MTCL1: variants seen among roughly 807,000 people sequenced by gnomAD.
MTCL1 encodes the protein microtubule crosslinking factor 1.
In MTCL1, 79 loss-of-function variants were observed where a neutral mutation model predicts 141.4. The observed-to-expected ratio is 0.56, with a 90% CI of 0.47 to 0.67. MTCL1 has a LOEUF of 0.67. Among genes scored for constraint, MTCL1 ranks in the 30% least tolerant of loss-of-function variants. MTCL1 has a pLI of 0.00. For missense variants in MTCL1, 2,177 were observed against 2,113.9 expected (o/e 1.03, Z -0.59); for synonymous variants, 914 against 875.8 (o/e 1.04, Z -0.77).
rs1378681034 is a variant in MTCL1 at position 8,731,041 on chromosome 18, C to A, written c.357+10545C>A. Among the ~76,000 whole-genome samples, 12 of 152,136 alleles carry A rather than the reference C, an allele frequency of 7.9e-5. 1 individual carries two copies. The highest frequency in any genetic ancestry group is 2.6e-4 in the Admixed American group (4 of 15,266). On this transcript the variant is annotated intron_variant, in intron 4 of 16. Transcript: ENST00000359865. Reference sequence around the variant, plus strand: ...TGGGCGGATCACGAGGTCAGGAGATCAAGACCATCCTGGCTAACACGGTGA... The same window carrying A: ...TGGGCGGATCACGAGGTCAGGAGATAAAGACCATCCTGGCTAACACGGTGA...
chr18:8,728,753 C>T (rs182627535), intron 4 of MTCL1, among the ~76,000 whole-genome samples: 3,606 of 49,920 alleles, frequency 0.072, 202 homozygotes, highest in African/African-American at 0.24. Context: ...TTTTTTGAGA[C>T]GGAGTCTCGC....
chr18:8,745,984 CAGT>C (rs1567970675), intron 4 of MTCL1, among the ~76,000 whole-genome samples: 1 of 152,204 alleles, frequency 6.6e-6, no homozygotes, highest in Admixed American at 6.5e-5. Context: ...TGGAATCATA[CAGT>C]ATTTGTCTTT....
At chr18:8,724,645 G>T (rs1175936783) in intron 4 of MTCL1, among the ~76,000 whole-genome samples, 1 of 152,078 alleles carries the variant, frequency 6.6e-6, no homozygotes, top group Non-Finnish European at 1.5e-5. Flanking sequence ...TCTTTTGCAT[G>T]ACACAGCAGC....
At chr18:8,759,344 A>G (rs548764061) in intron 4 of MTCL1, among the ~76,000 whole-genome samples, 89 of 152,334 alleles carry the variant, frequency 5.8e-4, no homozygotes, top group African/African-American at 2.0e-3. Flanking sequence ...CTTGGTCACT[A>G]GCTGGTATCT....
intron 8 of MTCL1, among the ~76,000 whole-genome samples, chr18:8,794,113 CTTA>C (rs1164089825): frequency 6.6e-6 from 1 of 152,188 alleles, no homozygotes; most frequent in East Asian, 1.9e-4. Context: ...AGTTGCACAT[CTTA>C]TTATCAGAGG....
At chr18:8,730,530 A>T (rs1305365750) in intron 4 of MTCL1, among the ~76,000 whole-genome samples, 1 of 152,230 alleles carries the variant, frequency 6.6e-6, no homozygotes, top group Non-Finnish European at 1.5e-5. Context: ...ACTGTGAGTC[A>T]TGAAATTGGC....
chr18:8,829,843 C>T, intron 16 of MTCL1: 2 of 985,294 alleles, frequency 2.0e-6, no homozygotes, highest in Non-Finnish European at 2.4e-6. Context: ...TTTGCTTGTA[C>T]ATGCCGGTGT....
chr18:8,766,485 G>A (rs1023951619), intron 4 of MTCL1, among the ~76,000 whole-genome samples: 8 of 152,212 alleles, frequency 5.3e-5, no homozygotes, highest in Non-Finnish European at 1.2e-4. Context: ...CTGTTGAAAG[G>A]CTGCAGTGAA....
At chr18:8,745,879 C>A (rs372420058) in intron 4 of MTCL1, among the ~76,000 whole-genome samples, 2 of 152,180 alleles carry the variant, frequency 1.3e-5, no homozygotes, top group African/African-American at 4.8e-5. Context: ...ACCCATTAAA[C>A]AACAAGTCTC....
Position 8,705,685 on chromosome 18 carries a change from G to A in MTCL1, c.25G>A (p.Gly9Ser). Residue 9 changes from glycine to serine, a missense_variant, in exon 1 of 14, where the codon GGC (glycine) becomes AGC (serine). Transcript: ENST00000306329. This position sits in a 1 kb window ranked among gnomAD's most constrained non-coding sequence, Gnocchi z 5.2. The stretch of plus-strand genomic sequence containing the variant: ...CATGGAGACACTGAACGGCCCCGCG[G>A]GCGGAGGTGCCCCGGACGCGAAGCT... 1 of 1,200,750 alleles carries A rather than the reference G, an allele frequency of 8.3e-7. No individual in the cohort carries two copies. The highest frequency in any genetic ancestry group is 1.0e-6 in the Non-Finnish European group (1 of 967,468). 74.4% of individuals were successfully genotyped at this position (1,200,750 alleles called of 1,614,324 possible). A position where few individuals can be genotyped will look rare whatever the true frequency, so the allele number is the denominator to read the frequency against.
intron 11 of MTCL1, chr18:8,809,634 G>C: frequency 6.6e-7 from 1 of 1,523,914 alleles, no homozygotes; most frequent in Non-Finnish European, 8.8e-7. Context: ...GAAAAAAACG[G>C]AGCAAGTAGA....
chr18:8,775,554 CAG>C (rs61567548), intron 4 of MTCL1, among the ~76,000 whole-genome samples: 2,657 of 151,916 alleles, frequency 0.017, 28 homozygotes, highest in Middle Eastern at 0.076. Context: ...GCCTGGGCGA[CAG>C]AGAAAGATTC....
At chr18:8,780,378 G>T (rs1280514363) in intron 5 of MTCL1, among the ~76,000 whole-genome samples, 3 of 152,242 alleles carry the variant, frequency 2.0e-5, no homozygotes, top group Admixed American at 2.0e-4. Flanking sequence ...AAGTTTCCAC[G>T]GATGCTGGTC....
At position 8,830,176 on chromosome 18, in the gene MTCL1, G is replaced by A. The variant is rs2077152587; in HGVS notation, c.*18+1212G>A. The A allele has an allele frequency of 1.0e-6, 1 of 985,460 alleles. No homozygotes were observed. The highest frequency in any genetic ancestry group is 1.7e-5 in the African/African-American group (1 of 57,242). 61.0% of individuals were successfully genotyped at this position (985,460 alleles called of 1,614,324 possible). A position where few individuals can be genotyped will look rare whatever the true frequency, so the allele number is the denominator to read the frequency against. On this transcript the variant is annotated intron_variant, in intron 16 of 16. Transcript: ENST00000359865. This position sits in a 1 kb window ranked among gnomAD's most constrained non-coding sequence, Gnocchi z 6.4. ...GGGCTGCAGTGAGATGAGGACACAG[G>A]AGCACCTTGGGTTAGTCTGCATCTT...
At chr18:8,716,969 G>C (rs576023554), upstream of MTCL1, among the ~76,000 whole-genome samples, 29 of 152,290 alleles carry the variant, frequency 1.9e-4, no homozygotes, top group South Asian at 1.2e-3. Flanking sequence ...GTGGGTTTGG[G>C]AAGAAGCTTT....
chr18:8,788,158 C>T (rs766048142), intron 7 of MTCL1, among the ~76,000 whole-genome samples: 34 of 152,164 alleles, frequency 2.2e-4, no homozygotes, highest in Non-Finnish European at 4.0e-4. Context: ...ACACAGACCC[C>T]GCCGGACTAA....
chr18:8,768,773 C>A (rs2096471039), intron 4 of MTCL1, among the ~76,000 whole-genome samples: 1 of 148,582 alleles, frequency 6.7e-6, no homozygotes, highest in South Asian at 2.1e-4. Flanking sequence ...GAGGTGGGAA[C>A]AGATTCTTTT....
intron 6 of MTCL1, among the ~76,000 whole-genome samples, chr18:8,785,148 C>T (rs1203927264): frequency 3.3e-5 from 5 of 152,022 alleles, no homozygotes; most frequent in Admixed American, 6.5e-5. Context: ...CCAGTGGAAG[C>T]GATAGGGCTC....
intron 12 of MTCL1, among the ~76,000 whole-genome samples, chr18:8,815,985 A>G (rs551345177): frequency 6.6e-6 from 1 of 152,342 alleles, no homozygotes; most frequent in East Asian, 1.9e-4. Context: ...GCTTTCAAAA[A>G]TAAATCTGGC....
Sources: allele counts gnomAD v4.1 joint callset (sites outside exome capture counted in the v4.1 genomes callset), GRCh38; gene constraint gnomAD v4.1.1; non-coding constraint Gnocchi (gnomAD v3.1); transcripts MANE v1.5; gene names NCBI Gene and HGNC (gene_info 2026-07-23, HGNC 2026-07-21).